Variants in ADGRA3 observed in about 807,000 individuals in gnomAD.
The protein encoded by ADGRA3 is adhesion G protein-coupled receptor A3.
ADGRA3 carries 56 observed loss-of-function variants against 119.8 expected under a neutral mutation model. That is an observed-to-expected ratio of 0.47 (90% CI 0.38 to 0.58). The LOEUF is 0.58. Among genes scored for constraint, ADGRA3 ranks in the 20% least tolerant of loss-of-function variants. The pLI, the probability that ADGRA3 is intolerant of heterozygous loss-of-function variation, is 0.00. For synonymous variants in ADGRA3, 607 were observed against 623.8 expected (o/e 0.97, Z 0.40); for missense variants, 1,516 against 1,649.0 (o/e 0.92, Z 1.40).
rs1718340525 is a variant in ADGRA3, at chr4:22,484,051, A to C, written c.258-10208T>G. Among the ~76,000 whole-genome samples the C allele has an allele frequency of 2.0e-5, 3 of 152,212 alleles. No individual in the cohort carries two copies. In the South Asian group the frequency reaches 6.2e-4, roughly 32 times the overall value. ...TGCAAAACCTAACACAGGCATCCAA[A>C]TTATATTATCACAACCTAAAGATGC... On this transcript the variant is annotated intron_variant, in intron 1 of 18. Coordinates refer to ENST00000334304, the MANE Select transcript of ADGRA3 (RefSeq NM_145290.4).
rs768146612 is a variant in ADGRA3, at chr4:22,425,195, C to T, written c.1444-843G>A. ...TCCTTGTATGTGTTGTATGATCTCA[C>T]CCCCATCCCCTTGCACACGTGGTTT... On this transcript the variant is annotated intron_variant, in intron 10 of 18. Coordinates refer to ENST00000334304, the MANE Select transcript of ADGRA3 (RefSeq NM_145290.4). 2.1e-4 allele frequency among the ~76,000 whole-genome samples: 32 copies of T among 152,214 alleles called. 1 individual carries two copies. Among genetic ancestry groups the T allele is most frequent in the South Asian group, 4.1e-4 (2 of 4,822 alleles).
intron 10 of ADGRA3, among the ~76,000 whole-genome samples, chr4:22,425,128 T>C (rs998226203): frequency 2.0e-4 from 31 of 151,656 alleles, no homozygotes; most frequent in Admixed American, 2.6e-4. Flanking sequence ...CTTTAGTCTC[T>C]GCTCATATTC....
intron 10 of ADGRA3, among the ~76,000 whole-genome samples, chr4:22,426,254 G>A (rs896320254): frequency 1.3e-5 from 2 of 152,070 alleles, no homozygotes; most frequent in Non-Finnish European, 2.9e-5. Context: ...ACTCTCCCCA[G>A]CTTGATCCTA....
At chr4:22,445,690 C>T (rs936335528) in intron 5 of ADGRA3, among the ~76,000 whole-genome samples, 6 of 152,136 alleles carry the variant, frequency 3.9e-5, no homozygotes, top group Non-Finnish European at 5.9e-5. Flanking sequence ...TCTGACCCCT[C>T]CTGCTATGTG....
At chr4:22,488,869 A>G (rs914253164) in intron 1 of ADGRA3, among the ~76,000 whole-genome samples, 1 of 152,182 alleles carries the variant, frequency 6.6e-6, no homozygotes, top group Non-Finnish European at 1.5e-5. Flanking sequence ...CCCTGGGAGA[A>G]AAAAAGGAGA....
chr4:22,413,867 C>A, intron 12 of ADGRA3, 53 bp from the exon 13 acceptor site: 1 of 1,214,636 alleles, frequency 8.2e-7, no homozygotes. Flanking sequence ...ACATAGAAAC[C>A]AGAAAAAAAT....
chr4:22,446,440 G>A (rs1716831096), intron 5 of ADGRA3, among the ~76,000 whole-genome samples: 1 of 152,090 alleles, frequency 6.6e-6, no homozygotes, highest in South Asian at 2.1e-4. Context: ...CACTAAATAA[G>A]CCAAAAGGAG....
chr4:22,387,732 T>A lies in ADGRA3; in HGVS notation c.3939A>T (p.Gly1313=). 1 of 1,611,414 alleles carries A rather than the reference T, an allele frequency of 6.2e-7. No individual in the cohort carries two copies. The highest frequency in any genetic ancestry group is 8.5e-7 in the Non-Finnish European group (1 of 1,178,264). Residue 1313 remains glycine (G), a synonymous_variant, in exon 19 of 19, where the codon GGA becomes GGT. Transcript: ENST00000334304. Reference sequence around the variant, plus strand: ...ACACAGTAGTTTCGTGTTTCCATAATCCAGTCCTAACATTGCCAGTGCTAT... The same window carrying A: ...ACACAGTAGTTTCGTGTTTCCATAAACCAGTCCTAACATTGCCAGTGCTAT... ...GTDSTGNVRT[G]LWKHETTV is the part of the protein sequence containing the mutation.
intron 10 of ADGRA3, among the ~76,000 whole-genome samples, chr4:22,427,473 C>A (rs1387959536): frequency 5.4e-5 from 8 of 148,544 alleles, no homozygotes; most frequent in South Asian, 2.1e-4. Flanking sequence ...AAAAAAAAAA[C>A]AACAAATATC....
rs775955359 is a variant in ADGRA3 at position 22,413,371 on chromosome 4, G to A, written c.2043C>T (p.Thr681=). 4 of 1,612,250 alleles carry A rather than the reference G, an allele frequency of 2.5e-6. No individual in the cohort carries two copies. Among genetic ancestry groups the A allele is most frequent in the Admixed American group, 1.7e-5 (1 of 59,956 alleles). ...LTKIDGVNVD[T]HHIPVNVTLR... The stretch of plus-strand genomic sequence containing the variant: ...GTGTCACATTAACAGGGATGTGGTG[G>A]GTATCTACATTCACACCATCTGGAG... Residue 681 remains threonine, a synonymous_variant, in exon 14 of 19, where the codon ACC becomes ACT. Transcript: ENST00000334304.
rs146534664 is a variant in ADGRA3 at position 22,450,455 on chromosome 4, G to A, written c.474-2944C>T. 7.9e-5 allele frequency among the ~76,000 whole-genome samples: 12 copies of A among 151,986 alleles called. No individual in the cohort carries two copies. In the East Asian group the frequency reaches 2.1e-3, roughly 27 times the overall value. ...TAATTTTTGTATTTTTAGTAGGGAC[G>A]AGGTTTCATCATGTTAGCCAGGCTG... On this transcript the variant is annotated intron_variant, in intron 4 of 18. Coordinates refer to ENST00000334304, the MANE Select transcript of ADGRA3 (RefSeq NM_145290.4).
At position 22,418,059 on chromosome 4, in the gene ADGRA3, T is replaced by C. The variant is rs185171750; in HGVS notation, c.1809+2827A>G. ...TCCAAAGCCCTCAGTAAAAGTAAAGTAGTTTACTGAAAACAGATACTATTT... is the reference window on the plus strand; with the variant it reads ...TCCAAAGCCCTCAGTAAAAGTAAAGCAGTTTACTGAAAACAGATACTATTT... On this transcript the variant is annotated intron_variant, in intron 12 of 18. Transcript: ENST00000334304. Among the ~76,000 whole-genome samples the C allele has an allele frequency of 2.0e-5, 3 of 152,274 alleles. No homozygotes were observed. In the East Asian group the frequency reaches 5.8e-4, roughly 29 times the overall value.
intron 4 of ADGRA3, among the ~76,000 whole-genome samples, chr4:22,450,331 C>T (rs1173444733): frequency 6.6e-6 from 1 of 150,950 alleles, no homozygotes; most frequent in African/African-American, 2.4e-5. Flanking sequence ...GGATGGAGTA[C>T]AGTGGCTCAC....
intron 1 of ADGRA3, among the ~76,000 whole-genome samples, chr4:22,498,184 GCA>G (rs1718910583): frequency 6.6e-6 from 1 of 151,738 alleles, no homozygotes; most frequent in South Asian, 2.1e-4. Context: ...GGCAGAGGTT[GCA>G]CAGTGAGCCG....
intron 1 of ADGRA3, among the ~76,000 whole-genome samples, chr4:22,512,651 G>C (rs1719487978): frequency 6.6e-6 from 1 of 152,202 alleles, no homozygotes; most frequent in Admixed American, 6.5e-5. Context: ...ATGGAAGGCA[G>C]ATGCGGAGAC....
At chr4:22,449,952 G>A (rs1716972934) in intron 4 of ADGRA3, among the ~76,000 whole-genome samples, 1 of 152,038 alleles carries the variant, frequency 6.6e-6, no homozygotes, top group South Asian at 2.1e-4. Flanking sequence ...TCACATTAGA[G>A]AAGGACATGC....
chr4:22,450,459 T>G (rs949838918), intron 4 of ADGRA3, among the ~76,000 whole-genome samples: 1 of 151,808 alleles, frequency 6.6e-6, no homozygotes, highest in Admixed American at 6.6e-5. Context: ...AGGGACGAGG[T>G]TTCATCATGT....
chr4:22,461,654 A>G (rs1325205584), intron 3 of ADGRA3, 83 bp downstream of exon 3: 219 of 986,280 alleles, frequency 2.2e-4, no homozygotes, highest in Non-Finnish European at 7.9e-5. Flanking sequence ...TTAAATGTCC[A>G]TTTTTCATCA....
At chr4:22,492,324 G>A (rs887684576) in intron 1 of ADGRA3, among the ~76,000 whole-genome samples, 1 of 152,090 alleles carries the variant, frequency 6.6e-6, no homozygotes, top group Non-Finnish European at 1.5e-5. Context: ...ATCCAGGCCT[G>A]GTTGGAACTT....
Sources: gnomAD v4.1 joint callset for allele counts (sites outside exome capture counted in the v4.1 genomes callset) on GRCh38, gnomAD v4.1.1 for gene constraint, MANE v1.5 for transcripts, NCBI Gene and HGNC (gene_info 2026-07-23, HGNC 2026-07-21) for gene names.